ARHGEF10L: variants seen among roughly 807,000 people sequenced by gnomAD.
ARHGEF10L encodes the protein rho guanine nucleotide exchange factor 10-like protein.
ARHGEF10L carries 69 observed loss-of-function variants against 141.2 expected under a neutral mutation model. That is an observed-to-expected ratio of 0.49 (90% confidence interval 0.40 to 0.60). The LOEUF is 0.60. Among genes scored for constraint, ARHGEF10L ranks in the 20% least tolerant of loss-of-function variants. The pLI is 0.00. For synonymous variants in ARHGEF10L, 711 were observed against 718.5 expected (o/e 0.99, Z 0.17); for missense variants, 1,482 against 1,734.3 (o/e 0.85, Z 2.58).
intron 19 of ARHGEF10L, among the ~76,000 whole-genome samples, 184 bp from the exon 20 acceptor site, chr1:17,638,378 G>T (rs1242242367): frequency 6.6e-6 from 1 of 152,210 alleles, no homozygotes; most frequent in Non-Finnish European, 1.5e-5. Context: ...CTGAGCCCAG[G>T]GCTGGGAAGC....
chr1:17,657,053 T>C (rs549682025), intron 25 of ARHGEF10L, among the ~76,000 whole-genome samples: 1 of 152,240 alleles, frequency 6.6e-6, no homozygotes, highest in South Asian at 2.1e-4. Context: ...CCTTCTTTGG[T>C]GCCTGGGACT....
intron 28 of ARHGEF10L, 107 bp from the exon 29 acceptor site, chr1:17,696,741 A>T: frequency 1.2e-5 from 13 of 1,115,690 alleles, no homozygotes; most frequent in Non-Finnish European, 1.6e-5. Flanking sequence ...GACAGAAGTG[A>T]CCCCCCCAAA....
Position 17,696,863 on chromosome 1 carries a change from C to T in ARHGEF10L, c.3323C>T (p.Ser1108Leu). 1 of 1,561,904 alleles carries T rather than the reference C, an allele frequency of 6.4e-7. No homozygotes were observed. The highest frequency in any genetic ancestry group is 2.3e-5 in the East Asian group (1 of 44,184). Reference sequence around the variant, plus strand: ...TTTTCTGCAGGGAAAGGCATGGTCTCACTCAACGGGCACTGTGGGCCTGTG... The same window carrying T: ...TTTTCTGCAGGGAAAGGCATGGTCTTACTCAACGGGCACTGTGGGCCTGTG... ...IPKITGKGMV[S>L]LNGHCGPVAF... Residue 1108 changes from serine (S) to leucine (L), a missense_variant, in exon 29 of 29, where the codon TCA (serine) becomes TTA (leucine). Coordinates refer to ENST00000361221, the MANE Select transcript of ARHGEF10L (RefSeq NM_018125.4).
chr1:17,566,892 G>C (rs71644058), intron 1 of ARHGEF10L, among the ~76,000 whole-genome samples: 3 of 152,050 alleles, frequency 2.0e-5, no homozygotes, highest in Non-Finnish European at 4.4e-5. Flanking sequence ...GGGATGCCAA[G>C]GGATGCAGAC....
At chr1:17,545,583 AG>A (rs1292270555) in intron 1 of ARHGEF10L, among the ~76,000 whole-genome samples, 3 of 152,224 alleles carry the variant, frequency 2.0e-5, no homozygotes, top group Non-Finnish European at 2.9e-5. Flanking sequence ...GAGGAAAAGC[AG>A]CAGTGGTGTC....
chr1:17,677,336 C>T (rs1404729935), intron 26 of ARHGEF10L, among the ~76,000 whole-genome samples: 14 of 152,388 alleles, frequency 9.2e-5, no homozygotes, highest in Non-Finnish European at 1.9e-4. Context: ...TTCTGCCTTA[C>T]CTCTGTCTGT....
In ARHGEF10L at chr1:17,603,699, G is replaced by A. The variant is rs2100970966; in HGVS notation, c.433+108G>A. 2.0e-6 allele frequency: 2 copies of A among 990,836 alleles called. No individual in the cohort carries two copies. The highest frequency in any genetic ancestry group is 2.8e-5 in the Admixed American group (1 of 35,652). The allele number at this position is 990,836 out of a possible 1,614,324, so 61.4% of individuals were successfully genotyped here. A position where few individuals can be genotyped will look rare whatever the true frequency, so the allele number is the denominator to read the frequency against. ...TCCTTCTGTCCCCACCTGGCCAAGT[G>A]CCCCTCCTTCTTGTCTTTAGAAACA... is the stretch of plus-strand genomic sequence containing the variant. On this transcript the variant is annotated intron_variant, in intron 6 of 28. Coordinates refer to ENST00000361221, the MANE Select transcript of ARHGEF10L (RefSeq NM_018125.4). This position sits in a 1 kb window ranked among gnomAD's most constrained non-coding sequence, Gnocchi z 4.8.
At chr1:17,551,604 G>A (rs1000097771) in intron 1 of ARHGEF10L, among the ~76,000 whole-genome samples, 1 of 152,108 alleles carries the variant, frequency 6.6e-6, no homozygotes, top group Non-Finnish European at 1.5e-5. Flanking sequence ...CTTTTTGTTT[G>A]GGGTAGAGAT....
rs116818318 is a variant in ARHGEF10L, at chr1:17,610,737, T to C, written c.610-2321T>C. 5.6e-3 allele frequency among the ~76,000 whole-genome samples: 856 copies of C among 152,258 alleles called. 10 individuals carry two copies. The highest frequency in any genetic ancestry group is 0.02 in the African/African-American group (815 of 41,538). On this transcript the variant is annotated intron_variant, in intron 7 of 28. Coordinates refer to ENST00000361221, the MANE Select transcript of ARHGEF10L (RefSeq NM_018125.4). The stretch of plus-strand genomic sequence containing the variant: ...CTGGGGATGTGTTTTGTCCTGTTCT[T>C]GGAGACTGACCATGGCCAGGCACCC...
the ARHGEF10L span, among the ~76,000 whole-genome samples, chr1:17,528,846 C>T: frequency 6.6e-6 from 1 of 152,104 alleles, no homozygotes; most frequent in Non-Finnish European, 1.5e-5. Flanking sequence ...TGGGATGGTT[C>T]CAGTACTTAC....
At position 17,627,301 on chromosome 1, in the gene ARHGEF10L, G is replaced by C. The variant is rs776020457; in HGVS notation, c.1411-29G>C. The C allele has an allele frequency of 1.9e-6, 3 of 1,604,822 alleles. No homozygotes were observed. The Admixed American group carries it at 5.0e-5, about 27-fold the overall frequency. ...CTGGGGTAGAGTTGGTCATGGGTGG[G>C]CTGCTCAGTCTCTGCTCTGACCTGG... is the stretch of plus-strand genomic sequence containing the variant. On this transcript the variant is annotated intron_variant, in intron 14 of 28. Coordinates refer to ENST00000361221, the MANE Select transcript of ARHGEF10L (RefSeq NM_018125.4). The surrounding 1 kb of genome is among the most constrained non-coding windows in gnomAD (Gnocchi z 4.0).
chr1:17,687,498 C>G (rs2064703989), intron 26 of ARHGEF10L, 75 bp from the exon 27 acceptor site: 4 of 1,537,572 alleles, frequency 2.6e-6, no homozygotes, highest in Non-Finnish European at 3.6e-6. Flanking sequence ...AATGGCTGGC[C>G]CAGGGGTGGG....
At chr1:17,527,366 C>G in the ARHGEF10L span, among the ~76,000 whole-genome samples, 1 of 152,178 alleles carries the variant, frequency 6.6e-6, no homozygotes, top group Admixed American at 6.5e-5. Flanking sequence ...AGCCTCCTGG[C>G]GGGTGCTCCA....
intron 25 of ARHGEF10L, among the ~76,000 whole-genome samples, chr1:17,660,141 C>A (rs1056821942): frequency 1.3e-5 from 2 of 152,228 alleles, no homozygotes; most frequent in Non-Finnish European, 2.9e-5. Flanking sequence ...CGGCCACTGT[C>A]CTTGCTGGCG....
In ARHGEF10L at chr1:17,599,401, G is replaced by A. The variant is rs74540478; in HGVS notation, c.258-2726G>A. On this transcript the variant is annotated intron_variant, in intron 4 of 28. Transcript: ENST00000361221. Reference sequence around the variant, plus strand: ...TAAAGCAGAGCAAGCAGTGCATGGCGGATGCTTTGTCACGGTCACTGTCAT... The same window carrying A: ...TAAAGCAGAGCAAGCAGTGCATGGCAGATGCTTTGTCACGGTCACTGTCAT... 5.4e-3 allele frequency among the ~76,000 whole-genome samples: 814 copies of A among 152,146 alleles called. 7 individuals carry two copies. Among genetic ancestry groups the A allele is most frequent in the South Asian group, 0.021 (101 of 4,816 alleles).
rs564271542 is a variant in ARHGEF10L at position 17,615,925 on chromosome 1, C to A, written c.727-169C>A. The A allele has an allele frequency of 9.7e-6, 6 of 617,260 alleles. No homozygotes were observed. Among genetic ancestry groups the A allele is most frequent in the Non-Finnish European group, 1.8e-5 (6 of 337,284 alleles). The allele number at this position is 617,260 out of a possible 1,614,324, so 38.2% of individuals were successfully genotyped here. On this transcript the variant is annotated intron_variant, in intron 8 of 28. Transcript: ENST00000361221. This position sits in a 1 kb window ranked among gnomAD's most constrained non-coding sequence, Gnocchi z 4.7. ...AAAGAGGGAGATCCCCGGGCATGAACGCACCTTCTCACCCCCACTGTCGTC... is the reference window on the plus strand; with the variant it reads ...AAAGAGGGAGATCCCCGGGCATGAAAGCACCTTCTCACCCCCACTGTCGTC...
intron 28 of ARHGEF10L, among the ~76,000 whole-genome samples, chr1:17,696,630 C>CGTGTG (rs1350520554): frequency 6.6e-6 from 1 of 152,158 alleles, no homozygotes; most frequent in Non-Finnish European, 1.5e-5. Flanking sequence ...GAGGCTCCCC[C>CGTGTG]GTGTGGTGTA....
At chr1:17,608,111 T>C in intron 7 of ARHGEF10L, 134 bp downstream of exon 7, 5 of 995,444 alleles carry the variant, frequency 5.0e-6, no homozygotes, top group Non-Finnish European at 6.7e-6. Context: ...CCCGGGTATG[T>C]GTGGTGAGAG....
intron 1 of ARHGEF10L, among the ~76,000 whole-genome samples, chr1:17,570,469 G>T: frequency 6.6e-6 from 1 of 152,050 alleles, no homozygotes; most frequent in Non-Finnish European, 1.5e-5. Context: ...CATGCTTGGG[G>T]CATTCAGGGA....
Sources: allele counts gnomAD v4.1 joint callset (sites outside exome capture counted in the v4.1 genomes callset), GRCh38; gene constraint gnomAD v4.1.1; non-coding constraint Gnocchi (gnomAD v3.1); transcripts MANE v1.5; gene names NCBI Gene and HGNC (gene_info 2026-07-23, HGNC 2026-07-21).